The following PSD3 variants were observed in gnomAD, a reference collection of about 807,000 sequenced individuals.
PSD3 encodes PH and SEC7 domain-containing protein 3.
Under a neutral mutation model 105.5 loss-of-function variants are expected in PSD3, and 49 were observed. That is an observed-to-expected ratio of 0.46 (90% CI 0.37 to 0.59). PSD3 has a LOEUF of 0.59. Among genes scored for constraint, PSD3 ranks in the 20% least tolerant of loss-of-function variants. The pLI is 0.00. For synonymous variants in PSD3, 557 were observed against 457.8 expected (o/e 1.22, Z -2.77); for missense variants, 1,561 against 1,263.8 (o/e 1.24, Z -3.57).
intron 4 of PSD3, chr8:18,865,064 G>A (rs10099375): frequency 3.3e-5 from 5 of 150,630 alleles, no homozygotes; most frequent in African/African-American, 9.8e-5. Flanking sequence ...AGAGAAATCC[G>A]ATCAAAAGAA....
chr8:18,769,867 T>G (rs963586042), intron 8 of PSD3, among the ~76,000 whole-genome samples: 1 of 152,266 alleles, frequency 6.6e-6, no homozygotes, highest in East Asian at 1.9e-4. Context: ...CCAATTGTGT[T>G]TCTTCATTTA....
intron 1 of PSD3, among the ~76,000 whole-genome samples, chr8:19,022,983 C>G (rs1425553891): frequency 6.6e-6 from 1 of 151,974 alleles, no homozygotes; most frequent in Non-Finnish European, 1.5e-5. Flanking sequence ...TCCCACTCTA[C>G]CATCTTCTCA....
chr8:19,063,177 A>G (rs1003936983), intron 1 of PSD3, among the ~76,000 whole-genome samples: 11 of 152,240 alleles, frequency 7.2e-5, no homozygotes, highest in Non-Finnish European at 1.6e-4. Flanking sequence ...AAAACACTGT[A>G]GTTTCTGAAT....
intron 1 of PSD3, among the ~76,000 whole-genome samples, chr8:18,944,516 A>G (rs1260644302): frequency 6.6e-6 from 1 of 152,074 alleles, no homozygotes; most frequent in Non-Finnish European, 1.5e-5. Flanking sequence ...GGCTGCAGTG[A>G]GCCAAGATTG....
At chr8:18,967,806 A>C (rs1379008207) in intron 1 of PSD3, among the ~76,000 whole-genome samples, 4 of 152,200 alleles carry the variant, frequency 2.6e-5, no homozygotes, top group Non-Finnish European at 5.9e-5. Context: ...AAAGATACAC[A>C]CAGGTTATCA....
chr8:18,724,470 T>A (rs1011251654), intron 9 of PSD3, among the ~76,000 whole-genome samples: 1 of 151,630 alleles, frequency 6.6e-6, no homozygotes, highest in African/African-American at 2.4e-5. Context: ...ACATGAGCTG[T>A]GTGGTGGTGT....
chr8:18,779,405 C>T (rs954038307), intron 8 of PSD3, among the ~76,000 whole-genome samples: 1 of 150,712 alleles, frequency 6.6e-6, no homozygotes, highest in Non-Finnish European at 1.5e-5. Context: ...CCCAACTCTT[C>T]ATTTCACTGA....
At chr8:18,621,785 T>A (rs1806128191) in intron 11 of PSD3, among the ~76,000 whole-genome samples, 1 of 152,200 alleles carries the variant, frequency 6.6e-6, no homozygotes, top group African/African-American at 2.4e-5. Context: ...TGGCTTTGCC[T>A]GTACTTAAAG....
intron 1 of PSD3, among the ~76,000 whole-genome samples, chr8:19,074,947 T>G (rs967651852): frequency 7.3e-6 from 1 of 137,790 alleles, no homozygotes; most frequent in Non-Finnish European, 1.7e-5. Context: ...TGAAAATTAA[T>G]TACTATTTTT....
At chr8:18,749,831 C>A (rs1805325333) in intron 9 of PSD3, among the ~76,000 whole-genome samples, 1 of 152,092 alleles carries the variant, frequency 6.6e-6, no homozygotes, top group Admixed American at 6.5e-5. Context: ...TGAGGAGGAC[C>A]CCTGGGCAAC....
chr8:18,616,749 A>C (rs28620911), intron 11 of PSD3, among the ~76,000 whole-genome samples: 2 of 147,752 alleles, frequency 1.4e-5, no homozygotes, highest in African/African-American at 5.0e-5. Context: ...TCAGCCTCCC[A>C]AGTAGCTGGG....
rs542901079 is a variant in PSD3 at position 18,973,519 on chromosome 8, G to C, written c.22-37377C>G. Among the ~76,000 whole-genome samples, 3 of 152,158 alleles carry C rather than the reference G, an allele frequency of 2.0e-5. No individual in the cohort carries two copies. The South Asian group carries it at 6.2e-4, about 32-fold the overall frequency. On this transcript the variant is annotated intron_variant, in intron 1 of 15. Coordinates refer to ENST00000327040, the MANE Select transcript of PSD3 (RefSeq NM_015310.4). Reference sequence around the variant, plus strand: ...TCTTCCTCTTCTTGGAAGAACACCAGTCCTACTGGATTAGGGGCCCATCCT... The same window carrying C: ...TCTTCCTCTTCTTGGAAGAACACCACTCCTACTGGATTAGGGGCCCATCCT...
At chr8:18,574,640 G>A (rs1802362011) in intron 13 of PSD3, among the ~76,000 whole-genome samples, 1 of 152,110 alleles carries the variant, frequency 6.6e-6, no homozygotes, top group Non-Finnish European at 1.5e-5. Flanking sequence ...TACATTTATT[G>A]AACAGTTCCT....
chr8:18,644,750 T>C (rs1293280819), intron 10 of PSD3, among the ~76,000 whole-genome samples: 2 of 152,182 alleles, frequency 1.3e-5, no homozygotes, highest in Admixed American at 1.3e-4. Flanking sequence ...CCTTCCACAT[T>C]TTCAGCTTAT....
chr8:18,693,515 T>A (rs773490934), intron 9 of PSD3, among the ~76,000 whole-genome samples: 9 of 152,218 alleles, frequency 5.9e-5, no homozygotes, highest in African/African-American at 9.6e-5. Flanking sequence ...CAAAACAACA[T>A]CCTGCTTTAG....
chr8:18,562,925 G>C (rs147939029), intron 14 of PSD3, among the ~76,000 whole-genome samples: 1 of 1,440 alleles, frequency 6.9e-4, no homozygotes. Flanking sequence ...AAAAGAAAAA[G>C]AAAAAGAAAA....
chr8:18,738,040 G>C (rs77811852), intron 9 of PSD3, among the ~76,000 whole-genome samples: 2,851 of 152,288 alleles, frequency 0.019, 31 homozygotes, highest in South Asian at 0.033. Flanking sequence ...GTCTTAATCA[G>C]TGTGAAATTG....
intron 4 of PSD3, among the ~76,000 whole-genome samples, chr8:18,826,470 T>A (rs1372168617): frequency 6.6e-6 from 1 of 152,228 alleles, no homozygotes; most frequent in South Asian, 2.1e-4. Context: ...ATATGGCTCA[T>A]CAAACAGCAC....
intron 1 of PSD3, among the ~76,000 whole-genome samples, chr8:18,954,532 ACCATCCATCCAT>A (rs745421536): frequency 6.6e-6 from 1 of 152,118 alleles, no homozygotes; most frequent in Admixed American, 6.5e-5. Flanking sequence ...GAAGCAATCA[ACCATCCATCCAT>A]CCATCCATCC....
Sources: gnomAD v4.1 joint callset for allele counts (sites outside exome capture counted in the v4.1 genomes callset) on GRCh38, gnomAD v4.1.1 for gene constraint, MANE v1.5 for transcripts, NCBI Gene and HGNC (gene_info 2026-07-23, HGNC 2026-07-21) for gene names.